Variants in APC observed in about 807,000 individuals in gnomAD.
APC encodes adenomatous polyposis coli protein.
A neutral mutation model predicts 247.0 loss-of-function variants in APC; 72 were observed. The observed-to-expected ratio is 0.29, with a 90% CI of 0.24 to 0.35. The LOEUF (loss-of-function observed/expected upper bound fraction) is 0.35, where lower values mean the gene tolerates loss of function less well. Among genes scored for constraint, APC ranks in the 10% least tolerant of loss-of-function variants. The pLI is 1.00. For synonymous variants in APC, 1,254 were observed against 1,162.5 expected, an observed-to-expected ratio of 1.08 and a Z score of -1.60; for missense variants, 3,400 against 3,360.7, an observed-to-expected ratio of 1.01 and a Z score of -0.29.
At chr5:112,753,509 A>G (rs1368705572) in intron 1 of APC, among the ~76,000 whole-genome samples, 1 of 152,226 alleles carries the variant, frequency 6.6e-6, no homozygotes, top group Non-Finnish European at 1.5e-5. Context: ...ATGAATTAAA[A>G]TGAAAGGGCA....
chr5:112,819,203 A>C lies in APC; in HGVS notation c.1171A>C (p.Ile391Leu), dbSNP rs587781586. Reference protein sequence around the residue: ...ARASAALHNIIHSQPDDKRGR... With the variant: ...ARASAALHNILHSQPDDKRGR... ...GGCCAGTGCAGCACTCCACAACATC[A>C]TTCACTCACAGCCTGATGACAAGAG... Residue 391 changes from isoleucine (I) to leucine (L), a missense_variant, in exon 10 of 16, where the codon ATT (isoleucine) becomes CTT (leucine). Physicochemically the swap from Ile to Leu is conservative, Grantham distance 5. This residue lies in a region of APC where 199 missense variants were observed against 212.5 expected (regional missense o/e 0.94). Transcript: ENST00000257430. 1 of 1,613,942 alleles carries C rather than the reference A, an allele frequency of 6.2e-7. No homozygotes were observed. Among genetic ancestry groups the C allele is most frequent in the Non-Finnish European group, 8.5e-7 (1 of 1,179,956 alleles).
rs1175970075 is a variant in APC at position 112,840,759 on chromosome 5, A to G, written c.5165A>G (p.Asp1722Gly). The part of the protein sequence containing the change: ...ELDDNKAEEG[D>G]ILAECINSAM... ...GATGACAATAAAGCAGAGGAAGGTG[A>G]TATTCTTGCAGAATGCATTAATTCT... is the stretch of plus-strand genomic sequence containing the variant. Residue 1722 changes from aspartate to glycine, a missense_variant, in exon 16 of 16, where the codon GAT (aspartate) becomes GGT (glycine). Around this residue, in one of 9 missense-constraint regions of APC, gnomAD observed 1,788 missense variants for 1,649.5 expected, o/e 1.08. Coordinates refer to ENST00000257430, the MANE Select transcript of APC (RefSeq NM_000038.6). The surrounding 1 kb of genome is among the most constrained non-coding windows in gnomAD (Gnocchi z 4.1). 4 of 1,614,078 alleles carry G rather than the reference A, an allele frequency of 2.5e-6. No individual in the cohort carries two copies. Among genetic ancestry groups the G allele is most frequent in the Admixed American group, 1.7e-5 (1 of 60,024 alleles).
At position 112,843,451 on chromosome 5, in the gene APC, A is replaced by G; in HGVS notation, c.7857A>G (p.Glu2619=). 1.2e-6 allele frequency: 2 copies of G among 1,613,684 alleles called. No individual in the cohort carries two copies. The highest frequency in any genetic ancestry group is 4.5e-5 in the East Asian group (2 of 44,878). ...CATGGAGAAAAATAAAAGAAAATGA[A>G]TTTTCTCCCACAAATAGTACTTCTC... The part of the protein sequence containing the change: ...KGTWRKIKEN[E]FSPTNSTSQT... The change falls in exon 16 of 16, where the codon GAA becomes GAG. Residue 2619 remains glutamate (E), a synonymous_variant. Transcript: ENST00000257430. The surrounding 1 kb of genome is among the most constrained non-coding windows in gnomAD (Gnocchi z 4.8).
chr5:112,794,341 A>G (rs1397051389), intron 7 of APC, among the ~76,000 whole-genome samples: 1 of 152,190 alleles, frequency 6.6e-6, no homozygotes, highest in African/African-American at 2.4e-5. Context: ...TTGGCCTTCC[A>G]AAGTGTGGGA....
chr5:112,765,233 T>C (rs1407326844), intron 2 of APC, among the ~76,000 whole-genome samples: 1 of 152,142 alleles, frequency 6.6e-6, no homozygotes, highest in Non-Finnish European at 1.5e-5. Context: ...GCCTCCCAAG[T>C]AGCTGGGACT....
intron 2 of APC, among the ~76,000 whole-genome samples, chr5:112,764,098 T>C (rs77179372): frequency 1.1e-4 from 16 of 144,518 alleles, no homozygotes; most frequent in Non-Finnish European, 1.8e-4. Context: ...AAAAAAAAAT[T>C]AGCCGGGCGT....
At chr5:112,744,060 T>C (rs771764631) in intron 1 of APC, among the ~76,000 whole-genome samples, 4 of 152,062 alleles carry the variant, frequency 2.6e-5, no homozygotes, top group Non-Finnish European at 5.9e-5. Flanking sequence ...CAGGCTGGTC[T>C]CGAACTCCTG....
Position 112,841,348 on chromosome 5 carries a change from A to G in APC, c.5754A>G (p.Ile1918Met), listed in dbSNP as rs1294277674. The G allele has an allele frequency of 6.2e-7, 1 of 1,613,934 alleles. No individual in the cohort carries two copies. Among genetic ancestry groups the G allele is most frequent in the South Asian group, 1.1e-5 (1 of 91,084 alleles). ...NKTQAIAKQP[I>M]NRGQPKPILQ... ...CACAAGCTATTGCAAAGCAGCCAAT[A>G]AATCGAGGTCAGCCTAAACCCATAC... is the stretch of plus-strand genomic sequence containing the variant. Residue 1918 changes from isoleucine (I) to methionine (M), a missense_variant, in exon 16 of 16, where the codon ATA becomes ATG. Coordinates refer to ENST00000257430, the MANE Select transcript of APC (RefSeq NM_000038.6). This position sits in a 1 kb window ranked among gnomAD's most constrained non-coding sequence, Gnocchi z 4.6.
chr5:112,728,422 G>T (rs905888011), intron 1 of APC, among the ~76,000 whole-genome samples: 55 of 152,058 alleles, frequency 3.6e-4, no homozygotes, highest in African/African-American at 1.3e-3. Context: ...GTGAGCCACC[G>T]TGCCCGACCA....
intron 8 of APC, among the ~76,000 whole-genome samples, chr5:112,805,109 G>A (rs947968008): frequency 1.3e-5 from 2 of 151,512 alleles, no homozygotes; most frequent in African/African-American, 4.8e-5. Flanking sequence ...TCTTTAAACT[G>A]TTATCAATAG....
At chr5:112,819,897 C>T (rs1438542248) in intron 10 of APC, among the ~76,000 whole-genome samples, 1 of 152,098 alleles carries the variant, frequency 6.6e-6, no homozygotes, top group Non-Finnish European at 1.5e-5. Context: ...CATGGCCTCA[C>T]ACCTAGTAAG....
upstream of APC, among the ~76,000 whole-genome samples, chr5:112,736,109 T>G (rs1752366850): frequency 6.6e-6 from 1 of 152,196 alleles, no homozygotes; most frequent in African/African-American, 2.4e-5. Flanking sequence ...TCTGAATTTG[T>G]CACAAAAAAT....
intron 8 of APC, 132 bp from the exon 9 acceptor site, chr5:112,815,363 A>C (rs1762387503): frequency 3.1e-6 from 2 of 649,844 alleles, no homozygotes; most frequent in South Asian, 3.2e-5. Flanking sequence ...TTGAACAGTT[A>C]TAATGGTCAT....
chr5:112,731,760 G>GGTTTT (rs757769931), intron 1 of APC, among the ~76,000 whole-genome samples: 1 of 151,626 alleles, frequency 6.6e-6, no homozygotes, highest in Non-Finnish European at 1.5e-5. Context: ...GGGTTTTTTT[G>GGTTTT]GTTTTGTTTT....
At chr5:112,756,245 TC>T (rs1754973759) in intron 2 of APC, among the ~76,000 whole-genome samples, 1 of 152,164 alleles carries the variant, frequency 6.6e-6, no homozygotes, top group Non-Finnish European at 1.5e-5. Flanking sequence ...TCTTTTTCCA[TC>T]CCTCTATCAA....
In APC at chr5:112,846,168, C is replaced by A. The variant is rs1340273767; in HGVS notation, c.*2042C>A. The A allele has an allele frequency of 4.3e-6, 1 of 231,850 alleles. No homozygotes were observed. Among genetic ancestry groups the A allele is most frequent in the Non-Finnish European group, 8.5e-6 (1 of 117,292 alleles). 14.4% of individuals were successfully genotyped at this position (231,850 alleles called of 1,614,324 possible). A position where few individuals can be genotyped will look rare whatever the true frequency, so the allele number is the denominator to read the frequency against. On this transcript the variant is annotated 3_prime_UTR_variant, in exon 16 of 16. Coordinates refer to ENST00000257430, the MANE Select transcript of APC (RefSeq NM_000038.6). Reference sequence around the variant, plus strand: ...CCTTTAAATTTTTGCCAAATGTTATCTGAAATTGTCTATGAATACCATCTA... The same window carrying A: ...CCTTTAAATTTTTGCCAAATGTTATATGAAATTGTCTATGAATACCATCTA...
chr5:112,749,123 A>G (rs1351716367), intron 1 of APC, among the ~76,000 whole-genome samples: 1 of 151,928 alleles, frequency 6.6e-6, no homozygotes. Context: ...CTTATATTGC[A>G]CTCTACTCGC....
rs2149954214 is a variant in APC, at chr5:112,841,579, A to G, written c.5985A>G (p.Ser1995=). 6.2e-7 allele frequency: 1 copy of G among 1,613,914 alleles called. No individual in the cohort carries two copies. The highest frequency in any genetic ancestry group is 8.5e-7 in the Non-Finnish European group (1 of 1,179,794). The change falls in exon 16 of 16, where the codon TCA becomes TCG. Residue 1995 remains serine, a synonymous_variant. Transcript: ENST00000257430. This position sits in a 1 kb window ranked among gnomAD's most constrained non-coding sequence, Gnocchi z 4.6. ...EPIKETEPPD[S]QGEPSKPQAS... ...TCAAAGAGACTGAGCCCCCTGACTC[A>G]CAGGGAGAACCAAGTAAACCTCAAG...
In APC at chr5:112,841,648, A is replaced by G. The variant is rs967247502; in HGVS notation, c.6054A>G (p.Pro2018=). ...AATCATTTCATGTTGAAGATACCCC[A>G]GTTTGTTTCTCAAGAAACAGTTCTC... ...APKSFHVEDT[P]VCFSRNSSLS... is the part of the protein sequence containing the mutation. Residue 2018 remains proline, a synonymous_variant, in exon 16 of 16, where the codon CCA becomes CCG. Transcript: ENST00000257430. This position sits in a 1 kb window ranked among gnomAD's most constrained non-coding sequence, Gnocchi z 4.6. 1.4e-5 allele frequency: 22 copies of G among 1,613,366 alleles called. No individual in the cohort carries two copies. Among genetic ancestry groups the G allele is most frequent in the Non-Finnish European group, 1.9e-5 (22 of 1,179,312 alleles).
Sources: allele counts gnomAD v4.1 joint callset (sites outside exome capture counted in the v4.1 genomes callset), GRCh38; gene constraint gnomAD v4.1.1; regional missense constraint gnomAD v4.1.1; non-coding constraint Gnocchi (gnomAD v3.1); transcripts MANE v1.5; gene names NCBI Gene and HGNC (gene_info 2026-07-23, HGNC 2026-07-21).